Variants in ITGA7 observed in about 807,000 individuals in gnomAD.
ITGA7 encodes the protein integrin alpha-7.
ITGA7 carries 84 observed loss-of-function variants against 131.6 expected under a neutral mutation model. The observed-to-expected ratio is 0.64, with a 90% CI of 0.54 to 0.77. The LOEUF (loss-of-function observed/expected upper bound fraction) is 0.77, where lower values mean the gene tolerates loss of function less well. Ranked by LOEUF, ITGA7 falls within the 30% of genes least tolerant of loss-of-function variation. The pLI, the probability that ITGA7 is intolerant of heterozygous loss-of-function variation, is 0.00. For synonymous variants in ITGA7, 548 were observed against 600.7 expected (o/e 0.91, Z 1.28); for missense variants, 1,399 against 1,482.9 (o/e 0.94, Z 0.93).
At chr12:55,709,637 C>T (rs900107711), upstream of ITGA7, among the ~76,000 whole-genome samples, 2 of 152,120 alleles carry the variant, frequency 1.3e-5, no homozygotes, top group Admixed American at 1.3e-4. Flanking sequence ...TGCAGAATTG[C>T]AAAATTAGGA....
chr12:55,702,450 G>A (rs1874260992), intron 3 of ITGA7, among the ~76,000 whole-genome samples: 1 of 151,996 alleles, frequency 6.6e-6, no homozygotes, highest in Admixed American at 6.5e-5. Flanking sequence ...TTACAAGCGT[G>A]AGCCACCGCA....
At chr12:55,691,150 A>G (rs977060936) in intron 21 of ITGA7, among the ~76,000 whole-genome samples, 21 of 151,886 alleles carry the variant, frequency 1.4e-4, no homozygotes, top group Non-Finnish European at 3.1e-4. Context: ...AAAAATAAAA[A>G]AATAAAATAA....
rs1408233852 is a variant in ITGA7, at chr12:55,698,745, G to C, written c.963C>G (p.Gly321=). The change falls in exon 6 of 25, where the codon GGC becomes GGG. Residue 321 remains glycine (G), a synonymous_variant. Transcript: ENST00000257879. ...TGAGGTCAGCCACAGCCAGTGAGTA[G>C]CCAAAGCCGGAGGTCAGGCGCTCCC... ...LSGERLTSGF[G]YSLAVADLNS... 4 of 1,614,018 alleles carry C rather than the reference G, an allele frequency of 2.5e-6. No individual in the cohort carries two copies. In the African/African-American group the frequency reaches 4.0e-5, roughly 16 times the overall value.
At position 55,700,642 on chromosome 12, in the gene ITGA7, A is replaced by G. The variant is rs1261741320; in HGVS notation, c.670+257T>C. ...GAGGTGTGGGCTAGTGTGTTGGAGC[A>G]TGCAGGCCCCAGCTGCAGGCCCAGC... On this transcript the variant is annotated intron_variant, in intron 4 of 24. Transcript: ENST00000257879. 8 of 637,720 alleles carry G rather than the reference A, an allele frequency of 1.3e-5. No individual in the cohort carries two copies. The East Asian group carries it at 2.2e-4, about 17-fold the overall frequency. The allele number at this position is 637,720 out of a possible 1,614,324, so 39.5% of individuals were successfully genotyped here. A position where few individuals can be genotyped will look rare whatever the true frequency, so the allele number is the denominator to read the frequency against.
At chr12:55,714,985 T>C (rs1876412703), upstream of ITGA7, among the ~76,000 whole-genome samples, 1 of 150,888 alleles carries the variant, frequency 6.6e-6, no homozygotes, top group African/African-American at 2.4e-5. Flanking sequence ...CTCAGGCTCC[T>C]GAGTAGCTGG....
intron 24 of ITGA7, 125 bp from the exon 25 acceptor site, chr12:55,685,413 T>C (rs2135933272): frequency 1.5e-5 from 13 of 862,690 alleles, no homozygotes; most frequent in South Asian, 1.4e-4. Context: ...ATAGGCTGAA[T>C]AGCATCTGGT....
chr12:55,685,600 T>C (rs1248994823), intron 24 of ITGA7, among the ~76,000 whole-genome samples: 1 of 152,136 alleles, frequency 6.6e-6, no homozygotes, highest in Non-Finnish European at 1.5e-5. Context: ...GTACCCCCTC[T>C]AGCTTCTTAA....
chr12:55,711,563 C>T (rs1266257115), upstream of ITGA7, among the ~76,000 whole-genome samples: 1 of 151,944 alleles, frequency 6.6e-6, no homozygotes, highest in Non-Finnish European at 1.5e-5. Flanking sequence ...AGATTATCCA[C>T]TCCACTCCAT....
chr12:55,690,255 G>T (rs1329594431), intron 21 of ITGA7, among the ~76,000 whole-genome samples: 1 of 152,100 alleles, frequency 6.6e-6, no homozygotes, highest in Non-Finnish European at 1.5e-5. Flanking sequence ...AATCTACAAT[G>T]AACTCAAACA....
At chr12:55,708,766 A>G (rs1008910296), upstream of ITGA7, among the ~76,000 whole-genome samples, 1 of 152,192 alleles carries the variant, frequency 6.6e-6, no homozygotes, top group African/African-American at 2.4e-5. Flanking sequence ...GACCCGTCCC[A>G]GGACTGCACA....
At chr12:55,705,746 C>T (rs1424278832) in intron 1 of ITGA7, among the ~76,000 whole-genome samples, 1 of 152,368 alleles carries the variant, frequency 6.6e-6, no homozygotes, top group African/African-American at 2.4e-5. Context: ...ATCTGCACAA[C>T]AACCCTATGT....
At chr12:55,700,284 C>A (rs761948061) in intron 4 of ITGA7, 1 of 1,607,484 alleles carries the variant, frequency 6.2e-7, no homozygotes, top group Non-Finnish European at 8.5e-7. Context: ...TGGCAGGGAC[C>A]GGGATGAGGC....
In ITGA7 at chr12:55,701,000, C is replaced by T; in HGVS notation, c.569G>A (p.Gly190Asp). 2 of 1,614,234 alleles carry T rather than the reference C, an allele frequency of 1.2e-6. No homozygotes were observed. The highest frequency in any genetic ancestry group is 1.6e-4 in the Middle Eastern group (1 of 6,062). ...EWKFCEGRPQ[G>D]HEQFGFCQQG... is the part of the protein sequence containing the mutation. ...CTGGCAGAACCCAAATTGTTCATGG[C>T]CTTGGGGGCGTCCCTCACAGAACTT... is the stretch of plus-strand genomic sequence containing the variant. Residue 190 changes from glycine to aspartate, a missense_variant, in exon 4 of 25, where the codon GGC (glycine) becomes GAC (aspartate). By Grantham distance (94) the Gly-to-Asp change is moderately conservative (BLOSUM62 -1). Transcript: ENST00000257879.
At position 55,707,751 on chromosome 12, in the gene ITGA7, C is replaced by G; in HGVS notation, c.-69G>C. The G allele has an allele frequency of 1.3e-6, 2 of 1,548,566 alleles. No individual in the cohort carries two copies. Among genetic ancestry groups the G allele is most frequent in the Non-Finnish European group, 1.7e-6 (2 of 1,145,912 alleles). Reference sequence around the variant, plus strand: ...TCGCACGCCCCAAGCCCCAGGTCCCCCCAGGCGCGTCTCTGGTCTCCAAAG... The same window carrying G: ...TCGCACGCCCCAAGCCCCAGGTCCCGCCAGGCGCGTCTCTGGTCTCCAAAG... On this transcript the variant is annotated 5_prime_UTR_variant, in exon 1 of 25. Transcript: ENST00000257879.
At position 55,703,102 on chromosome 12, in the gene ITGA7, G is replaced by C. The variant is rs940540167; in HGVS notation, c.283C>G (p.Pro95Ala). 7.4e-6 allele frequency: 12 copies of C among 1,613,912 alleles called. No homozygotes were observed. Among genetic ancestry groups the C allele is most frequent in the Admixed American group, 3.3e-5 (2 of 60,002 alleles). ...CAGTCAGTCTCCTCCAGGCTCAACG[G>C]GCAAGCGAAGAGGCCTCCAGTGCGA... is the stretch of plus-strand genomic sequence containing the variant. ...ANRTGGLFAC[P>A]LSLEETDCYR... Residue 95 changes from proline to alanine, a missense_variant, in exon 2 of 25, where the codon CCG (proline) becomes GCG (alanine). Pro to Ala is a conservative substitution (Grantham distance 27). Coordinates refer to ENST00000257879, the MANE Select transcript of ITGA7 (RefSeq NM_002206.3).
upstream of ITGA7, among the ~76,000 whole-genome samples, chr12:55,715,382 A>ATGTTT (rs1165962162): frequency 6.6e-6 from 1 of 152,140 alleles, no homozygotes; most frequent in Non-Finnish European, 1.5e-5. Context: ...TATGCTCATG[A>ATGTTT]TGTTTATAAT....
In ITGA7 at chr12:55,694,963, C is replaced by T. The variant is rs965781599; in HGVS notation, c.2011G>A (p.Asp671Asn). The T allele has an allele frequency of 9.9e-6, 16 of 1,613,252 alleles. No homozygotes were observed. The highest frequency in any genetic ancestry group is 1.4e-5 in the Non-Finnish European group (16 of 1,179,988). The change falls in exon 15 of 25, where the codon GAT becomes AAT. Residue 671 changes from aspartate to asparagine, a missense_variant. Physicochemically the swap from Asp to Asn is conservative, Grantham distance 23. Transcript: ENST00000257879. This position sits in a 1 kb window ranked among gnomAD's most constrained non-coding sequence, Gnocchi z 5.3. ...AGTGCAAACAGGGCTGTTGTTCCATCCACATCCCTGGAGAGTCAGACCCCA... is the reference window on the plus strand; with the variant it reads ...AGTGCAAACAGGGCTGTTGTTCCATTCACATCCCTGGAGAGTCAGACCCCA... ...TEFQPLPMDV[D>N]GTTALFALSG...
upstream of ITGA7, among the ~76,000 whole-genome samples, chr12:55,709,345 T>C (rs954881698): frequency 6.6e-6 from 1 of 152,212 alleles, no homozygotes; most frequent in Non-Finnish European, 1.5e-5. Flanking sequence ...TTCAGGATTA[T>C]ACTTCTTTGA....
In ITGA7 at chr12:55,688,094, G is replaced by C. The variant is rs1227757633; in HGVS notation, c.3060C>G (p.Ile1020Met). 12 of 1,614,054 alleles carry C rather than the reference G, an allele frequency of 7.4e-6. No individual in the cohort carries two copies. The highest frequency in any genetic ancestry group is 9.3e-6 in the Non-Finnish European group (11 of 1,180,026). Residue 1020 changes from isoleucine to methionine, a missense_variant and splice_region_variant, in exon 24 of 25, where the codon ATC (isoleucine) becomes ATG (methionine). Physicochemically the swap from Ile to Met is conservative, Grantham distance 10. Transcript: ENST00000257879. ...TGGGGTCCAAGTATACCATCACTGG[G>C]ATCTGGGGAGCAAGGGGTCAATGGA... is the stretch of plus-strand genomic sequence containing the variant. Reference protein sequence around the residue: ...NLMLRDASTVIPVMVYLDPMA... With the variant: ...NLMLRDASTVMPVMVYLDPMA...
Sources: gnomAD v4.1 joint callset for allele counts (sites outside exome capture counted in the v4.1 genomes callset) on GRCh38, gnomAD v4.1.1 for gene constraint, Gnocchi (gnomAD v3.1) non-coding constraint, MANE v1.5 for transcripts, NCBI Gene and HGNC (gene_info 2026-07-23, HGNC 2026-07-21) for gene names.